Variants in CDH12 observed in about 807,000 individuals in gnomAD.
The protein encoded by CDH12 is cadherin-12.
Under a neutral mutation model 74.1 loss-of-function variants are expected in CDH12, and 41 were observed. That is an observed-to-expected ratio of 0.55 (90% CI 0.43 to 0.72). The LOEUF is 0.72. Among genes scored for constraint, CDH12 ranks in the 30% least tolerant of loss-of-function variants. The pLI, the probability that CDH12 is intolerant of heterozygous loss-of-function variation, is 0.00. For missense variants in CDH12, 945 were observed against 977.2 expected (o/e 0.97, Z 0.44); for synonymous variants, 399 against 355.0 (o/e 1.12, Z -1.39).
At chr5:22,039,008 T>C (rs1739383255) in intron 5 of CDH12, among the ~76,000 whole-genome samples, 1 of 152,130 alleles carries the variant, frequency 6.6e-6, no homozygotes, top group South Asian at 2.1e-4. Context: ...TCTTGTCTCC[T>C]CCTGTCCCCC....
chr5:21,760,559 T>A lies in CDH12; in HGVS notation c.1632A>T (p.Arg544Ser), dbSNP rs1448383188. 1.3e-6 allele frequency: 2 copies of A among 1,498,002 alleles called. No homozygotes were observed. The highest frequency in any genetic ancestry group is 1.9e-6 in the Non-Finnish European group (2 of 1,075,804). The allele number at this position is 1,498,002 out of a possible 1,614,324, so 92.8% of individuals were successfully genotyped here. The change falls in exon 13 of 15, where the codon AGA becomes AGT. Residue 544 changes from arginine (R) to serine (S), a missense_variant and splice_region_variant. Coordinates refer to ENST00000382254, the MANE Select transcript of CDH12 (RefSeq NM_004061.5). ...AAATTTTTCTGTAGTTACACTTACT[T>A]CTGAAGTCACGAACTGTAAAATTTG... ...IKPNFTVRDF[R>S]NNTAGIETRR...
chr5:21,896,296 G>A (rs778498102), intron 6 of CDH12, among the ~76,000 whole-genome samples: 31 of 152,118 alleles, frequency 2.0e-4, no homozygotes, highest in Non-Finnish European at 4.1e-4. Context: ...AAACCAATTT[G>A]TTTCAGTACC....
chr5:21,864,501 T>C (rs538482316), intron 6 of CDH12, among the ~76,000 whole-genome samples: 14 of 152,280 alleles, frequency 9.2e-5, no homozygotes, highest in Admixed American at 4.6e-4. Flanking sequence ...GTGCCCATAC[T>C]GGATGCAACT....
intron 3 of CDH12, among the ~76,000 whole-genome samples, chr5:22,223,553 A>G (rs867340532): frequency 2.0e-5 from 3 of 152,034 alleles, no homozygotes; most frequent in Admixed American, 6.6e-5. Flanking sequence ...GTTTTACATT[A>G]GACATCCCCA....
At chr5:22,744,071 C>A (rs1452472241) in intron 1 of CDH12, among the ~76,000 whole-genome samples, 1 of 152,038 alleles carries the variant, frequency 6.6e-6, no homozygotes, top group African/African-American at 2.4e-5. Flanking sequence ...CACCTCCTAA[C>A]ACAGGCATTA....
At chr5:22,832,552 C>T (rs996036486) in intron 1 of CDH12, among the ~76,000 whole-genome samples, 8 of 152,002 alleles carry the variant, frequency 5.3e-5, no homozygotes, top group South Asian at 2.1e-4. Flanking sequence ...TTATTATCAA[C>T]GTGTCAATGA....
At chr5:22,770,608 A>C (rs1218017341) in intron 1 of CDH12, among the ~76,000 whole-genome samples, 1 of 152,176 alleles carries the variant, frequency 6.6e-6, no homozygotes, top group Non-Finnish European at 1.5e-5. Context: ...TTTAAAGAAA[A>C]GAAATGACTT....
At chr5:22,642,074 A>C (rs1036957892) in intron 1 of CDH12, among the ~76,000 whole-genome samples, 1 of 152,230 alleles carries the variant, frequency 6.6e-6, no homozygotes, top group African/African-American at 2.4e-5. Context: ...ACGAAAAGAC[A>C]ATGTAGCACT....
chr5:22,398,375 T>C (rs1365520707), intron 3 of CDH12, among the ~76,000 whole-genome samples: 2 of 152,252 alleles, frequency 1.3e-5, no homozygotes, highest in East Asian at 3.9e-4. Context: ...AGTTGCTACT[T>C]CATACCAACG....
chr5:22,848,504 T>G (rs1172972622), intron 1 of CDH12, among the ~76,000 whole-genome samples: 1 of 152,202 alleles, frequency 6.6e-6, no homozygotes, highest in Admixed American at 6.5e-5. Flanking sequence ...TTTGTAATAT[T>G]ATTGTTCATA....
chr5:22,117,519 A>AT (rs1745239165), intron 4 of CDH12, among the ~76,000 whole-genome samples: 2 of 89,518 alleles, frequency 2.2e-5, no homozygotes, highest in African/African-American at 9.5e-5. Flanking sequence ...TATAATATAT[A>AT]TATAATATAT....
intron 9 of CDH12, among the ~76,000 whole-genome samples, chr5:21,814,870 G>T (rs1373390190): frequency 6.6e-6 from 1 of 151,474 alleles, no homozygotes; most frequent in Non-Finnish European, 1.5e-5. Flanking sequence ...CCTTCTTAGG[G>T]AAAAAATTAA....
intron 2 of CDH12, among the ~76,000 whole-genome samples, chr5:22,481,151 T>C (rs1400045826): frequency 2.0e-5 from 3 of 152,226 alleles, no homozygotes; most frequent in Non-Finnish European, 2.9e-5. Flanking sequence ...AACAGTGAGA[T>C]ATCGCCTCAT....
At chr5:22,523,993 T>A (rs12522761) in intron 1 of CDH12, among the ~76,000 whole-genome samples, 24,572 of 150,272 alleles carry the variant, frequency 0.16, 2,593 homozygotes, top group East Asian at 0.36. Flanking sequence ...TTTTTTTTTT[T>A]TTTTTTGAGA....
intron 1 of CDH12, among the ~76,000 whole-genome samples, chr5:22,691,150 A>G (rs1742062858): frequency 1.3e-5 from 2 of 152,192 alleles, no homozygotes; most frequent in South Asian, 2.1e-4. Flanking sequence ...TTGTGTAGCT[A>G]AACATGTAAC....
intron 5 of CDH12, among the ~76,000 whole-genome samples, chr5:22,048,277 G>C (rs183208712): frequency 1.3e-5 from 2 of 152,238 alleles, no homozygotes; most frequent in East Asian, 1.9e-4. Flanking sequence ...CAAAGACAAA[G>C]GCAGGGAAAG....
At chr5:22,563,728 G>T (rs918366355) in intron 1 of CDH12, among the ~76,000 whole-genome samples, 1 of 152,118 alleles carries the variant, frequency 6.6e-6, no homozygotes, top group South Asian at 2.1e-4. Flanking sequence ...TACAAAAGAG[G>T]TTCATTGGAC....
At chr5:21,866,083 T>C (rs1289329150) in intron 6 of CDH12, among the ~76,000 whole-genome samples, 1 of 152,222 alleles carries the variant, frequency 6.6e-6, no homozygotes, top group African/African-American at 2.4e-5. Flanking sequence ...TCTGCCACCA[T>C]GTGAGACATG....
chr5:22,825,066 A>T (rs1417141105), intron 1 of CDH12, among the ~76,000 whole-genome samples: 1 of 152,066 alleles, frequency 6.6e-6, no homozygotes, highest in Non-Finnish European at 1.5e-5. Context: ...AAATAGAGAT[A>T]TCTCTACAAT....
Sources: allele counts gnomAD v4.1 joint callset (sites outside exome capture counted in the v4.1 genomes callset), GRCh38; gene constraint gnomAD v4.1.1; transcripts MANE v1.5; gene names NCBI Gene and HGNC (gene_info 2026-07-23, HGNC 2026-07-21).